Variants in VIT observed in about 807,000 individuals in gnomAD.
VIT encodes the protein vitrin.
In VIT, 99 loss-of-function variants were observed where a neutral mutation model predicts 78.0. That is an observed-to-expected ratio of 1.27 (90% CI 1.08 to 1.50). The LOEUF is 1.50. VIT is among the 40% of genes most tolerant of loss of function. VIT has a pLI of 0.00. For missense variants in VIT, 1,126 were observed against 875.3 expected (o/e 1.29, Z -3.61); for synonymous variants, 374 against 334.3 (o/e 1.12, Z -1.29).
At chr2:36,718,669 G>A (rs952900615) in intron 2 of VIT, among the ~76,000 whole-genome samples, 2 of 152,156 alleles carry the variant, frequency 1.3e-5, no homozygotes, top group African/African-American at 2.4e-5. Flanking sequence ...CCTGGCTCCT[G>A]TCAGATGGCC....
chr2:36,714,334 T>G (rs1665993055), intron 1 of VIT, among the ~76,000 whole-genome samples: 1 of 152,226 alleles, frequency 6.6e-6, no homozygotes, highest in African/African-American at 2.4e-5. Flanking sequence ...AGATGGTGAT[T>G]ATCTGTTTCT....
chr2:36,752,846 C>G (rs918948850), intron 4 of VIT, among the ~76,000 whole-genome samples: 2 of 152,218 alleles, frequency 1.3e-5, no homozygotes, highest in Admixed American at 6.5e-5. Context: ...ACCCAGCAAT[C>G]CCATTACTGG....
chr2:36,769,571 G>A (rs1011804534), intron 7 of VIT, among the ~76,000 whole-genome samples: 3 of 152,144 alleles, frequency 2.0e-5, no homozygotes, highest in Non-Finnish European at 1.5e-5. Flanking sequence ...CTGGGGAAGC[G>A]GGGAGAGCTT....
intron 4 of VIT, among the ~76,000 whole-genome samples, chr2:36,743,549 T>A (rs1177898727): frequency 6.6e-6 from 1 of 152,214 alleles, no homozygotes; most frequent in Non-Finnish European, 1.5e-5. Flanking sequence ...TAATGTGTCA[T>A]TTTCCTTTGG....
chr2:36,763,954 G>A (rs1669273861), intron 6 of VIT, among the ~76,000 whole-genome samples: 1 of 152,140 alleles, frequency 6.6e-6, no homozygotes, highest in Non-Finnish European at 1.5e-5. Flanking sequence ...GGAAGCCCAT[G>A]GCTGTTAGTT....
intron 14 of VIT, among the ~76,000 whole-genome samples, chr2:36,806,339 T>C (rs904117446): frequency 5.9e-5 from 9 of 152,194 alleles, no homozygotes; most frequent in Admixed American, 5.2e-4. Context: ...CCAGCAGGGC[T>C]CAACCTCCTG....
In VIT at chr2:36,802,033, A is replaced by G. The variant is rs78980386; in HGVS notation, c.1162+629A>G. 8.8e-3 allele frequency among the ~76,000 whole-genome samples: 1,346 copies of G among 152,312 alleles called. 20 individuals are homozygous for G. Among genetic ancestry groups the G allele is most frequent in the African/African-American group, 0.03 (1,267 of 41,562 alleles). ...AGGAAGCCCCTCAGTGCCCCTTGAG[A>G]ATCTTGTTCCAATCAACTACCGTTG... On this transcript the variant is annotated intron_variant, in intron 13 of 15. Transcript: ENST00000379242.
At chr2:36,807,810 C>A (rs1398176679) in intron 14 of VIT, among the ~76,000 whole-genome samples, 1 of 152,194 alleles carries the variant, frequency 6.6e-6, no homozygotes, top group African/African-American at 2.4e-5. Context: ...TTGTCTGGTT[C>A]TGAAGGTGAA....
chr2:36,743,786 G>A (rs969243813), intron 4 of VIT, among the ~76,000 whole-genome samples: 2 of 152,090 alleles, frequency 1.3e-5, no homozygotes, highest in African/African-American at 4.8e-5. Context: ...AGGTCACTGA[G>A]ACATTGCTCT....
intron 13 of VIT, among the ~76,000 whole-genome samples, chr2:36,805,136 C>G (rs987267264): frequency 6.6e-6 from 1 of 151,756 alleles, no homozygotes; most frequent in South Asian, 2.1e-4. Flanking sequence ...AACCTCGTCT[C>G]TACAAAAAAA....
In VIT at chr2:36,808,747, C is replaced by T; in HGVS notation, c.1665C>T (p.Thr555=). ...CGCGCATCGGGGCCGTGCAGTACAC[C>T]TACGAACAGCGGCTGGAGTTTGGGT... ...TDTRIGAVQY[T]YEQRLEFGFD... Residue 555 remains threonine (T), a synonymous_variant, in exon 15 of 16, where the codon ACC becomes ACT. Coordinates refer to ENST00000379242, the MANE Select transcript of VIT (RefSeq NM_053276.4). The T allele has an allele frequency of 6.2e-7, 1 of 1,614,100 alleles. No homozygotes were observed. Among genetic ancestry groups the T allele is most frequent in the Non-Finnish European group, 8.5e-7 (1 of 1,179,944 alleles).
intron 7 of VIT, among the ~76,000 whole-genome samples, chr2:36,773,462 T>C (rs982754129): frequency 1.3e-5 from 2 of 152,138 alleles, no homozygotes; most frequent in African/African-American, 2.4e-5. Context: ...TAAAATTTAT[T>C]GGCCGGGTGT....
chr2:36,752,442 G>T (rs1413855209), intron 4 of VIT, among the ~76,000 whole-genome samples: 1 of 152,198 alleles, frequency 6.6e-6, no homozygotes, highest in African/African-American at 2.4e-5. Flanking sequence ...TGCAATCAGG[G>T]AGGAGGTGAA....
intron 14 of VIT, among the ~76,000 whole-genome samples, chr2:36,806,295 G>A (rs1185478583): frequency 2.0e-5 from 3 of 152,150 alleles, no homozygotes; most frequent in Non-Finnish European, 4.4e-5. Flanking sequence ...TGTCTTTGAG[G>A]CCCTTCCAGC....
chr2:36,729,766 A>C (rs1164234962), intron 3 of VIT, among the ~76,000 whole-genome samples: 2 of 152,204 alleles, frequency 1.3e-5, no homozygotes, highest in Non-Finnish European at 2.9e-5. Flanking sequence ...GTATGTCTCT[A>C]TGGCTAAGCG....
intron 2 of VIT, among the ~76,000 whole-genome samples, chr2:36,727,640 A>G (rs146946421): frequency 1.3e-5 from 2 of 152,348 alleles, no homozygotes; most frequent in East Asian, 3.9e-4. Context: ...AAGTATACAA[A>G]CTAGACATCT....
At chr2:36,763,540 T>C (rs1669244599) in intron 6 of VIT, among the ~76,000 whole-genome samples, 2 of 151,484 alleles carry the variant, frequency 1.3e-5, no homozygotes, top group Non-Finnish European at 2.9e-5. Context: ...AGTGAGGAAT[T>C]GGGAGCAATT....
At chr2:36,759,095 C>T (rs61745550) in intron 6 of VIT, 49 bp downstream of exon 6, 128 of 1,614,074 alleles carry the variant, frequency 7.9e-5, no homozygotes, top group Middle Eastern at 1.6e-4. Context: ...TCCATGAACA[C>T]GCGACGTGTT....
intron 6 of VIT, among the ~76,000 whole-genome samples, chr2:36,762,048 G>T (rs548877416): frequency 5.9e-5 from 9 of 152,276 alleles, no homozygotes; most frequent in African/African-American, 2.2e-4. Flanking sequence ...AGAGTGTAGG[G>T]CAGAGAAACT....
Sources: gnomAD v4.1 joint callset for allele counts (sites outside exome capture counted in the v4.1 genomes callset) on GRCh38, gnomAD v4.1.1 for gene constraint, MANE v1.5 for transcripts, NCBI Gene and HGNC (gene_info 2026-07-23, HGNC 2026-07-21) for gene names.